The following CLPTM1L variants were observed in gnomAD, a reference collection of about 807,000 sequenced individuals.
CLPTM1L encodes the protein CLPTM1 like.
CLPTM1L carries 38 observed loss-of-function variants against 70.9 expected under a neutral mutation model. The observed-to-expected ratio is 0.54, with a 90% confidence interval of 0.41 to 0.70. CLPTM1L has a LOEUF of 0.70. Ranked by LOEUF, CLPTM1L falls within the 30% of genes least tolerant of loss-of-function variation. The pLI, the probability that CLPTM1L is intolerant of heterozygous loss-of-function variation, is 0.00. For synonymous variants in CLPTM1L, 339 were observed against 299.9 expected (o/e 1.13, Z -1.35); for missense variants, 652 against 705.9 (o/e 0.92, Z 0.87).
intron 8 of CLPTM1L, 88 bp from the exon 9 acceptor site, chr5:1,330,471 T>C: frequency 9.6e-7 from 1 of 1,038,552 alleles, no homozygotes; most frequent in Non-Finnish European, 1.5e-6. Context: ...CAGTCCCCCA[T>C]CCCAACCCAC....
chr5:1,330,665 G>A (rs1483034176), intron 8 of CLPTM1L: 6 of 455,290 alleles, frequency 1.3e-5, no homozygotes, highest in Admixed American at 7.4e-5. Context: ...GGCAGAGGTC[G>A]GATGACGGGG....
At chr5:1,325,967 G>A in intron 9 of CLPTM1L, 151 bp from the exon 10 acceptor site, 2 of 648,210 alleles carry the variant, frequency 3.1e-6, no homozygotes, top group South Asian at 3.9e-5. Flanking sequence ...TCAGGCCAGA[G>A]CGCTGGAGGC....
chr5:1,325,107 GCA>G (rs561954242), intron 10 of CLPTM1L: 65 of 526,102 alleles, frequency 1.2e-4, no homozygotes, highest in Middle Eastern at 1.0e-3. Context: ...TGAGAACACT[GCA>G]GAGCACACAG....
At chr5:1,338,046 C>T in intron 4 of CLPTM1L, 64 bp from the exon 5 acceptor site, 1 of 1,314,268 alleles carries the variant, frequency 7.6e-7, no homozygotes, top group Non-Finnish European at 1.1e-6. Context: ...TGAATGAACA[C>T]ATCCAGACAC....
intron 8 of CLPTM1L, chr5:1,331,473 T>A: frequency 2.4e-6 from 1 of 423,234 alleles, no homozygotes; most frequent in Non-Finnish European, 4.3e-6. Context: ...TCAGCGCCCA[T>A]GAGCAGCCGG....
chr5:1,344,604 G>A (rs898741384), intron 1 of CLPTM1L, 76 bp downstream of exon 1: 7 of 1,497,926 alleles, frequency 4.7e-6, no homozygotes, highest in Non-Finnish European at 6.3e-6. Flanking sequence ...GAACTGGGAC[G>A]GGAAGGCGAC....
intron 3 of CLPTM1L, among the ~76,000 whole-genome samples, chr5:1,340,232 T>C (rs374142433): frequency 5.8e-4 from 88 of 152,328 alleles, no homozygotes; most frequent in African/African-American, 2.0e-3. Flanking sequence ...GGCAGAAGAC[T>C]GTGCAAGTCC....
chr5:1,326,135 G>C (rs185196960), intron 9 of CLPTM1L: 3 of 366,492 alleles, frequency 8.2e-6, no homozygotes, highest in Admixed American at 8.3e-5. Context: ...CCTGCCACTC[G>C]GGCAGCCCTG....
intron 10 of CLPTM1L, chr5:1,325,132 C>T (rs1158953232): frequency 2.3e-6 from 1 of 438,586 alleles, no homozygotes; most frequent in Non-Finnish European, 4.1e-6. Context: ...ACAGCCAACA[C>T]TGCTCCGAAC....
chr5:1,328,383 AGG>A (rs1752786103), intron 9 of CLPTM1L, among the ~76,000 whole-genome samples: 5 of 141,316 alleles, frequency 3.5e-5, no homozygotes, highest in African/African-American at 5.7e-5. Context: ...CCTCCTCTAC[AGG>A]GACATTTCTT....
rs144187454 is a variant in CLPTM1L, at chr5:1,321,757, G to A, written c.1371+7C>T. ...GGCCGGGCCGCGGGCAGCACACACC[G>A]CCTTACCTTGTAGTTCACAAAGAGC... is the stretch of plus-strand genomic sequence containing the variant. On this transcript the variant is annotated splice_region_variant and intron_variant, in intron 14 of 16. Coordinates refer to ENST00000320895, the MANE Select transcript of CLPTM1L (RefSeq NM_030782.5). 39 of 1,614,004 alleles carry A rather than the reference G, an allele frequency of 2.4e-5. No homozygotes were observed. In the Middle Eastern group the frequency reaches 6.6e-4, roughly 27 times the overall value.
At position 1,321,838 on chromosome 5, in the gene CLPTM1L, C is replaced by T. The variant is rs1327941931; in HGVS notation, c.1316-19G>A. ...TAGACCCCTGCAGAAAGACAGACAG[C>T]ACTCACGAGGTGCGGAGGGCCGGGC... On this transcript the variant is annotated intron_variant, in intron 13 of 16. Transcript: ENST00000320895. The T allele has an allele frequency of 6.2e-7, 1 of 1,611,022 alleles. No homozygotes were observed. The highest frequency in any genetic ancestry group is 8.5e-7 in the Non-Finnish European group (1 of 1,178,490).
intron 6 of CLPTM1L, 141 bp from the exon 7 acceptor site, chr5:1,334,524 C>A: frequency 1.6e-6 from 1 of 606,366 alleles, no homozygotes; most frequent in Non-Finnish European, 2.9e-6. Flanking sequence ...GAATCTCAGG[C>A]AGGCAGATCA....
At chr5:1,337,855 GGTCA>G in intron 5 of CLPTM1L, 45 bp downstream of exon 5, 3 of 1,453,470 alleles carry the variant, frequency 2.1e-6, no homozygotes, top group South Asian at 1.2e-5. Context: ...CCAGTCTTGG[GGTCA>G]GTGTCTCGCC....
In CLPTM1L at chr5:1,341,805, A is replaced by G. The variant is rs1472758217; in HGVS notation, c.319T>C (p.Tyr107His). 1.2e-6 allele frequency: 2 copies of G among 1,614,130 alleles called. No individual in the cohort carries two copies. Among genetic ancestry groups the G allele is most frequent in the Non-Finnish European group, 1.7e-6 (2 of 1,179,992 alleles). Residue 107 changes from tyrosine to histidine, a missense_variant, in exon 3 of 17, where the codon TAC becomes CAC. Tyr to His is a moderately conservative substitution (Grantham distance 83). Transcript: ENST00000320895. ...ACCCCAGCGTGATGGAGGAAGATGT[A>G]GGCATACAGCGTCCCATTGTTTCTC... ...KTRNNGTLYA[Y>H]IFLHHAGVLP...
chr5:1,323,935 T>C (rs903988986), intron 11 of CLPTM1L, 66 bp from the exon 12 acceptor site: 4 of 1,226,498 alleles, frequency 3.3e-6, no homozygotes, highest in Non-Finnish European at 4.8e-6. Flanking sequence ...ACACACTGCA[T>C]GGAGCTCACC....
rs975785665 is a variant in CLPTM1L at position 1,342,830 on chromosome 5, C to T, written c.264-970G>A. 1.3e-5 allele frequency among the ~76,000 whole-genome samples: 2 copies of T among 152,226 alleles called. No homozygotes were observed. The highest frequency in any genetic ancestry group is 2.9e-5 in the Non-Finnish European group (2 of 68,044). On this transcript the variant is annotated intron_variant, in intron 2 of 16. Transcript: ENST00000320895. The surrounding 1 kb of genome is among the most constrained non-coding windows in gnomAD (Gnocchi z 4.3). ...TCTTGAACTGCTGGGCTCAAGTGAT[C>T]CTCCCGCCTTGGCCTCCCAAACTGC... is the stretch of plus-strand genomic sequence containing the variant.
At chr5:1,335,033 G>T (rs745309134) in intron 6 of CLPTM1L, 24 bp downstream of exon 6, 2 of 1,595,436 alleles carry the variant, frequency 1.3e-6, no homozygotes, top group African/African-American at 2.7e-5. Context: ...CCTCACCCAG[G>T]CGCCGGCCGT....
rs913441950 is a variant in CLPTM1L, at chr5:1,338,499, G to C, written c.599+361C>G. ...AATAATTGTATTTAACTGATGGCAA[G>C]TGATACTAAATAATCTAAAGATTAA... On this transcript the variant is annotated intron_variant, in intron 4 of 16. Transcript: ENST00000320895. 2.0e-5 allele frequency among the ~76,000 whole-genome samples: 3 copies of C among 152,222 alleles called. No individual in the cohort carries two copies. The East Asian group carries it at 5.8e-4, about 29-fold the overall frequency.
Sources: allele counts gnomAD v4.1 joint callset (sites outside exome capture counted in the v4.1 genomes callset), GRCh38; gene constraint gnomAD v4.1.1; non-coding constraint Gnocchi (gnomAD v3.1); transcripts MANE v1.5; gene names NCBI Gene and HGNC (gene_info 2026-07-23, HGNC 2026-07-21).